The following RASA3 variants were observed in gnomAD, a reference collection of about 807,000 sequenced individuals.
RASA3 encodes the protein RAS p21 protein activator 3, also known as ras GTPase-activating protein 3.
RASA3 carries 73 observed loss-of-function variants against 110.0 expected under a neutral mutation model. The observed-to-expected ratio is 0.66, with a 90% CI of 0.55 to 0.81. The LOEUF is 0.81. RASA3 is among the 30% of genes least tolerant of loss of function. RASA3 has a pLI of 0.00. For missense variants in RASA3, 976 were observed against 1,113.2 expected, an observed-to-expected ratio of 0.88 and a Z score of 1.75; for synonymous variants, 500 against 451.4, an observed-to-expected ratio of 1.11 and a Z score of -1.37.
chr13:114,033,579 C>G (rs1594359577), intron 4 of RASA3, among the ~76,000 whole-genome samples: 1 of 94,526 alleles, frequency 1.1e-5, no homozygotes, highest in East Asian at 3.8e-4. Context: ...CCCCACACTT[C>G]ATACCACGTT....
chr13:114,007,615 GGAA>G lies in RASA3; in HGVS notation c.1669-12_1669-10del, dbSNP rs930433522. The G allele has an allele frequency of 2.5e-6, 4 of 1,608,800 alleles. No individual in the cohort carries two copies. In the African/African-American group the frequency reaches 5.3e-5, roughly 21 times the overall value. On this transcript the variant is annotated splice_polypyrimidine_tract_variant and intron_variant, in intron 17 of 23. Transcript: ENST00000334062. ...GAAATCAGATCCAAGAACTAAAGTT[GGAA>G]GAAATCAGGTCACCGGGAGGAAGCC...
chr13:114,028,861 G>A (rs2054089417), intron 5 of RASA3, among the ~76,000 whole-genome samples: 2 of 34,534 alleles, frequency 5.8e-5, no homozygotes, highest in Non-Finnish European at 5.0e-5. Flanking sequence ...CTCTAAAACG[G>A]CATCATCCTG....
At chr13:114,004,519 C>T (rs1193656204) in intron 18 of RASA3, among the ~76,000 whole-genome samples, 1 of 152,150 alleles carries the variant, frequency 6.6e-6, no homozygotes, top group African/African-American at 2.4e-5. Context: ...CCTGTGACCC[C>T]ACCTCACGCC....
chr13:114,104,447 A>G (rs1311510303), intron 1 of RASA3, among the ~76,000 whole-genome samples: 1 of 152,104 alleles, frequency 6.6e-6, no homozygotes, highest in Non-Finnish European at 1.5e-5. Context: ...TCCACAGCCC[A>G]TACCCCATGA....
chr13:114,050,294 C>T (rs1197639483), intron 3 of RASA3, among the ~76,000 whole-genome samples: 1 of 152,226 alleles, frequency 6.6e-6, no homozygotes, highest in Non-Finnish European at 1.5e-5. Flanking sequence ...CAGGTGCCCG[C>T]TGCACTCAGA....
At chr13:114,040,371 C>T (rs1405313761) in intron 4 of RASA3, among the ~76,000 whole-genome samples, 1 of 39,814 alleles carries the variant, frequency 2.5e-5, no homozygotes, top group Non-Finnish European at 5.0e-5. Flanking sequence ...GCGCTCACTC[C>T]GAGCACAAGC....
At chr13:114,018,430 T>A (rs1049048145) in intron 10 of RASA3, among the ~76,000 whole-genome samples, 178 bp from the exon 11 acceptor site, 1 of 152,172 alleles carries the variant, frequency 6.6e-6, no homozygotes, top group African/African-American at 2.4e-5. Flanking sequence ...GGCTGGACCC[T>A]TGGAGGGGCA....
At chr13:113,996,087 G>A (rs568433027) in intron 21 of RASA3, among the ~76,000 whole-genome samples, 107 of 141,628 alleles carry the variant, frequency 7.6e-4, no homozygotes, top group Non-Finnish European at 1.3e-3. Context: ...CTGATGGGGG[G>A]CCCGGCTGAT....
At chr13:114,122,523 C>T (rs553428777) in intron 1 of RASA3, among the ~76,000 whole-genome samples, 3 of 152,238 alleles carry the variant, frequency 2.0e-5, no homozygotes, top group Non-Finnish European at 2.9e-5. Flanking sequence ...GGGGCCGAAC[C>T]ACCCCCAGCT....
In RASA3 at chr13:114,065,131, G is replaced by A. The variant is rs2139633428; in HGVS notation, c.173+8589C>T. ...CTGATGAGGGGAAACCATCTGAACTGAATTCCTCCTCCTCCTGGAGCCTGG... is the reference window on the plus strand; with the variant it reads ...CTGATGAGGGGAAACCATCTGAACTAAATTCCTCCTCCTCCTGGAGCCTGG... On this transcript the variant is annotated intron_variant, in intron 2 of 23. Coordinates refer to ENST00000334062, the MANE Select transcript of RASA3 (RefSeq NM_007368.4). This position sits in a 1 kb window ranked among gnomAD's most constrained non-coding sequence, Gnocchi z 4.1. Among the ~76,000 whole-genome samples, 1 of 152,366 alleles carries A rather than the reference G, an allele frequency of 6.6e-6. No individual in the cohort carries two copies. Among genetic ancestry groups the A allele is most frequent in the African/African-American group, 2.4e-5 (1 of 41,590 alleles).
intron 2 of RASA3, among the ~76,000 whole-genome samples, chr13:114,055,877 G>C (rs771477585): frequency 1.3e-5 from 2 of 152,356 alleles, no homozygotes; most frequent in Middle Eastern, 3.4e-3. Context: ...TCTGGGCCTT[G>C]CGGCAAATGC....
At chr13:114,053,237 C>T (rs1208867258) in intron 2 of RASA3, among the ~76,000 whole-genome samples, 1 of 137,512 alleles carries the variant, frequency 7.3e-6, no homozygotes, top group South Asian at 2.3e-4. Context: ...CTCAGGCCGC[C>T]CATGCGTGAG....
chr13:114,052,026 G>A (rs1652908699), intron 3 of RASA3, 26 bp downstream of exon 3: 1 of 1,514,556 alleles, frequency 6.6e-7, no homozygotes, highest in Non-Finnish European at 9.2e-7. Context: ...CAGAAAAGGG[G>A]AAGTAAATGC....
chr13:113,989,631 CATCA>C (rs980222927), intron 22 of RASA3, among the ~76,000 whole-genome samples: 4 of 151,548 alleles, frequency 2.6e-5, no homozygotes, highest in African/African-American at 7.3e-5. Flanking sequence ...TCCATCCATC[CATCA>C]CTCACCCATC....
chr13:114,024,391 G>A (rs765115660), intron 7 of RASA3, 36 bp from the exon 8 acceptor site: 16 of 1,595,860 alleles, frequency 1.0e-5, no homozygotes, highest in Middle Eastern at 3.3e-4. Context: ...CTGAGACCGC[G>A]GTGCCACCAG....
intron 1 of RASA3, among the ~76,000 whole-genome samples, chr13:114,097,269 T>C (rs1338710025): frequency 1.3e-5 from 2 of 152,176 alleles, no homozygotes; most frequent in Non-Finnish European, 2.9e-5. Flanking sequence ...AGCAATAAAA[T>C]ACCCTGCAGA....
At chr13:114,046,502 A>G (rs1330267458) in intron 3 of RASA3, among the ~76,000 whole-genome samples, 1 of 152,230 alleles carries the variant, frequency 6.6e-6, no homozygotes, top group African/African-American at 2.4e-5. Flanking sequence ...ACTTTTAACT[A>G]TATGTCAATT....
chr13:114,029,781 C>A, intron 5 of RASA3, 30 bp downstream of exon 5: 1 of 1,568,036 alleles, frequency 6.4e-7, no homozygotes, highest in Non-Finnish European at 8.7e-7. Flanking sequence ...ACTCGCTGTG[C>A]GCTCGGTCTC....
chr13:114,023,560 G>A (rs2139343440), intron 8 of RASA3, among the ~76,000 whole-genome samples: 1 of 152,350 alleles, frequency 6.6e-6, no homozygotes, highest in Non-Finnish European at 1.5e-5. Context: ...ACTGGGAGGA[G>A]GGAACCCGCC....
Sources: allele counts gnomAD v4.1 joint callset (sites outside exome capture counted in the v4.1 genomes callset), GRCh38; gene constraint gnomAD v4.1.1; non-coding constraint Gnocchi (gnomAD v3.1); transcripts MANE v1.5; gene names NCBI Gene and HGNC (gene_info 2026-07-23, HGNC 2026-07-21).